The following ZC3H4 variants were observed in gnomAD, a reference collection of about 807,000 sequenced individuals.
ZC3H4 encodes the protein zinc finger CCCH domain-containing protein 4.
In ZC3H4, 13 loss-of-function variants were observed where a neutral mutation model predicts 108.3. The ratio of observed to expected loss-of-function variants is 0.12; its 90% CI spans 0.08 to 0.19. The LOEUF (loss-of-function observed/expected upper bound fraction) is 0.19, where lower values mean the gene tolerates loss of function less well. ZC3H4 is among the 10% of genes least tolerant of loss of function. The pLI, the probability that ZC3H4 is intolerant of heterozygous loss-of-function variation, is 1.00. For synonymous variants in ZC3H4, 917 were observed against 749.6 expected (o/e 1.22, Z -3.65); for missense variants, 1,734 against 1,838.8 (o/e 0.94, Z 1.04).
chr19:47,069,410 G>GCC, intron 13 of ZC3H4, 67 bp from the exon 14 acceptor site: 1 of 1,542,952 alleles, frequency 6.5e-7, no homozygotes, highest in Middle Eastern at 1.8e-4. Flanking sequence ...CAGCCCCCCT[G>GCC]CCCCTCACTG....
At position 47,066,481 on chromosome 19, in the gene ZC3H4, G is replaced by A. The variant is rs2057197319; in HGVS notation, c.3787C>T (p.Pro1263Ser). 1 of 1,583,622 alleles carries A rather than the reference G, an allele frequency of 6.3e-7. No homozygotes were observed. The highest frequency in any genetic ancestry group is 8.6e-7 in the Non-Finnish European group (1 of 1,164,446). ...PTLFGTVKQTPKTGSGSPFAG... is the reference protein window; with the variant it reads ...PTLFGTVKQTSKTGSGSPFAG... ...AATGGGCTTCCTGAGCCCGTCTTGG[G>A]TGTCTGCTTCACCGTCCCGAAGAGG... The change falls in exon 15 of 15, where the codon CCC (proline) becomes TCC (serine). Residue 1263 changes from proline to serine, a missense_variant. Around this residue, in one of 9 missense-constraint regions of ZC3H4, gnomAD observed 518 missense variants for 499.6 expected, o/e 1.04. Transcript: ENST00000253048.
At chr19:47,100,572 G>A (rs749273652) in intron 2 of ZC3H4, among the ~76,000 whole-genome samples, 7 of 151,816 alleles carry the variant, frequency 4.6e-5, no homozygotes, top group East Asian at 3.9e-4. Flanking sequence ...ATCTAGATAC[G>A]AAGACACCTA....
At position 47,072,717 on chromosome 19, in the gene ZC3H4, C is replaced by G. The variant is rs751538257; in HGVS notation, c.1441-4G>C. ...CTTCTGCATCATCGGCCAACATCTG[C>G]GGGTGTGAAAGAACAAAAGAAGGTG... On this transcript the variant is annotated splice_polypyrimidine_tract_variant and splice_region_variant and intron_variant, in intron 11 of 14. Coordinates refer to ENST00000253048, the MANE Select transcript of ZC3H4 (RefSeq NM_015168.2). The surrounding 1 kb of genome is among the most constrained non-coding windows in gnomAD (Gnocchi z 5.6). 1 of 1,613,234 alleles carries G rather than the reference C, an allele frequency of 6.2e-7. No homozygotes were observed. The highest frequency in any genetic ancestry group is 1.7e-5 in the Admixed American group (1 of 59,984).
chr19:47,101,868 G>GAA (rs754543267), intron 2 of ZC3H4, among the ~76,000 whole-genome samples: 2 of 127,130 alleles, frequency 1.6e-5, no homozygotes, highest in Non-Finnish European at 1.7e-5. Flanking sequence ...ACTCTGTCTC[G>GAA]AAAAAAAAAA....
Position 47,086,399 on chromosome 19 carries a change from G to A in ZC3H4, c.855C>T (p.Tyr285=), listed in dbSNP as rs373357967. 19 of 1,613,238 alleles carry A rather than the reference G, an allele frequency of 1.2e-5. No homozygotes were observed. The highest frequency in any genetic ancestry group is 2.2e-5 in the South Asian group (2 of 91,016). The part of the protein sequence containing the change: ...GDHPEDEEDF[Y]EEEMDYGESE... ...GAAACCTTACGTCCATCTCTTCCTC[G>A]TAGAAATCCTCTTCATCCTCCGGGT... Residue 285 remains tyrosine, a synonymous_variant, in exon 6 of 15, where the codon TAC becomes TAT. Transcript: ENST00000253048.
In ZC3H4 at chr19:47,113,734, C is replaced by G. The variant is rs1192950463; in HGVS notation, c.-20G>C. On this transcript the variant is annotated 5_prime_UTR_variant, in exon 1 of 15. Transcript: ENST00000253048. The stretch of plus-strand genomic sequence containing the variant: ...AAAAAAATAACCGAAAGCTGGAGGC[C>G]AGGTGCCGAGAGTCGGAGGTTTCCG... 3 of 152,216 alleles carry G rather than the reference C, an allele frequency of 2.0e-5. No homozygotes were observed. The highest frequency in any genetic ancestry group is 4.4e-5 in the Non-Finnish European group (3 of 68,056). The allele number at this position is 152,216 out of a possible 1,614,324, so 9.4% of individuals were successfully genotyped here.
At chr19:47,079,258 A>G (rs2057477304) in intron 11 of ZC3H4, among the ~76,000 whole-genome samples, 2 of 151,094 alleles carry the variant, frequency 1.3e-5, no homozygotes, top group African/African-American at 2.4e-5. Flanking sequence ...TGAATTCCCA[A>G]CCTCAGGTGA....
intron 2 of ZC3H4, among the ~76,000 whole-genome samples, chr19:47,100,538 T>C (rs2123054595): frequency 6.6e-6 from 1 of 151,700 alleles, no homozygotes; most frequent in East Asian, 1.9e-4. Context: ...CACTTCAACA[T>C]AAGACAGTCT....
intron 11 of ZC3H4, among the ~76,000 whole-genome samples, chr19:47,077,155 G>A (rs1056333261): frequency 1.5e-4 from 22 of 149,484 alleles, no homozygotes; most frequent in African/African-American, 3.2e-4. Context: ...GCGAGATTCC[G>A]TCTTGGAAAA....
Position 47,094,616 on chromosome 19 carries a change from C to T in ZC3H4, c.162-8G>A, listed in dbSNP as rs777237060. The T allele has an allele frequency of 3.0e-5, 49 of 1,613,830 alleles. No individual in the cohort carries two copies. The highest frequency in any genetic ancestry group is 3.7e-5 in the Non-Finnish European group (44 of 1,179,900). ...TCCAACTCTCCATCTTCCCTACAAA[C>T]AAACCCCAATCCCACCATGAACACA... On this transcript the variant is annotated splice_polypyrimidine_tract_variant and splice_region_variant and intron_variant, in intron 2 of 14. Transcript: ENST00000253048.
chr19:47,086,286 C>T, intron 6 of ZC3H4, 98 bp downstream of exon 6: 1 of 1,436,978 alleles, frequency 7.0e-7, no homozygotes, highest in East Asian at 2.3e-5. Flanking sequence ...GGCCGTATGT[C>T]TTCCTACCTT....
chr19:47,072,082 A>G lies in ZC3H4; in HGVS notation c.1842T>C (p.Pro614=), dbSNP rs754105187. 7 of 1,567,640 alleles carry G rather than the reference A, an allele frequency of 4.5e-6. No homozygotes were observed. Among genetic ancestry groups the G allele is most frequent in the Non-Finnish European group, 6.0e-6 (7 of 1,159,280 alleles). The change falls in exon 13 of 15, where the codon CCT becomes CCC. Residue 614 remains proline, a synonymous_variant. Transcript: ENST00000253048. The surrounding 1 kb of genome is among the most constrained non-coding windows in gnomAD (Gnocchi z 5.6). The part of the protein sequence containing the change: ...GPGGPPGPMG[P]GPNMGPPGPM... ...GCCCTGGGGGTCCCATGTTGGGCCC[A>G]GGGCCCATTGGCCCTGGGGGTCCAC...
chr19:47,081,652 T>C, intron 10 of ZC3H4, 30 bp from the exon 11 acceptor site: 3 of 1,590,334 alleles, frequency 1.9e-6, no homozygotes, highest in Non-Finnish European at 2.6e-6. Context: ...AAATGCTTCA[T>C]CTCACAGAAC....
intron 7 of ZC3H4, 29 bp downstream of exon 7, chr19:47,085,289 C>A (rs1463035545): frequency 1.3e-6 from 2 of 1,577,118 alleles, no homozygotes; most frequent in African/African-American, 2.7e-5. Flanking sequence ...CTGCCCCACC[C>A]AGCGTGTCCT....
chr19:47,083,802 C>A (rs1211640818), intron 9 of ZC3H4, among the ~76,000 whole-genome samples: 1 of 152,194 alleles, frequency 6.6e-6, no homozygotes. Context: ...GCCCTGAGCA[C>A]ACATCTGCTG....
At position 47,072,961 on chromosome 19, in the gene ZC3H4, T is replaced by C. The variant is rs1259514789; in HGVS notation, c.1441-248A>G. On this transcript the variant is annotated intron_variant, in intron 11 of 14. Transcript: ENST00000253048. This position sits in a 1 kb window ranked among gnomAD's most constrained non-coding sequence, Gnocchi z 5.6. ...ATGGCAAAATACACATAACAAAGCA[T>C]ACTGTTTAACCATTTAAAGTGAACG... Among the ~76,000 whole-genome samples, 4 of 152,138 alleles carry C rather than the reference T, an allele frequency of 2.6e-5. No homozygotes were observed. Among genetic ancestry groups the C allele is most frequent in the Non-Finnish European group, 5.9e-5 (4 of 68,026 alleles).
At chr19:47,081,107 C>T (rs2057514098) in intron 11 of ZC3H4, among the ~76,000 whole-genome samples, 2 of 152,192 alleles carry the variant, frequency 1.3e-5, no homozygotes, top group Middle Eastern at 3.4e-3. Flanking sequence ...TGCTACATGC[C>T]TAGGCTGGTC....
chr19:47,090,708 T>C (rs1228231515), intron 4 of ZC3H4, among the ~76,000 whole-genome samples: 1 of 152,192 alleles, frequency 6.6e-6, no homozygotes, highest in Non-Finnish European at 1.5e-5. Flanking sequence ...AACAGGTAAA[T>C]GGATAACAAA....
chr19:47,081,321 G>A (rs1005248129), intron 11 of ZC3H4, among the ~76,000 whole-genome samples, 192 bp downstream of exon 11: 3 of 152,182 alleles, frequency 2.0e-5, no homozygotes, highest in African/African-American at 7.2e-5. Flanking sequence ...CCTGGCCTAA[G>A]ACAACACATG....
Sources: gnomAD v4.1 joint callset for allele counts (sites outside exome capture counted in the v4.1 genomes callset) on GRCh38, gnomAD v4.1.1 for gene constraint, gnomAD v4.1.1 regional missense constraint, Gnocchi (gnomAD v3.1) non-coding constraint, MANE v1.5 for transcripts, NCBI Gene and HGNC (gene_info 2026-07-23, HGNC 2026-07-21) for gene names.